The following FILIP1 variants were observed in gnomAD, a reference collection of about 807,000 sequenced individuals.
FILIP1 encodes the protein filamin-A-interacting protein 1.
Under a neutral mutation model 102.1 loss-of-function variants are expected in FILIP1, and 61 were observed. The ratio of observed to expected loss-of-function variants is 0.60; its 90% confidence interval spans 0.49 to 0.74. The LOEUF (loss-of-function observed/expected upper bound fraction) is 0.74. Among genes scored for constraint, FILIP1 ranks in the 30% least tolerant of loss-of-function variants. The pLI is 0.00. For synonymous variants in FILIP1, 491 were observed against 526.9 expected (o/e 0.93, Z 0.93); for missense variants, 1,314 against 1,441.2 (o/e 0.91, Z 1.43).
intron 2 of FILIP1, among the ~76,000 whole-genome samples, chr6:75,376,432 C>T (rs1243191671): frequency 6.6e-6 from 1 of 152,068 alleles, no homozygotes; most frequent in Non-Finnish European, 1.5e-5. Flanking sequence ...TTGGTTACTC[C>T]CCACCCCTTG....
chr6:75,299,205 T>C (rs996473393), intron 6 of FILIP1, among the ~76,000 whole-genome samples: 1 of 152,152 alleles, frequency 6.6e-6, no homozygotes, highest in Non-Finnish European at 1.5e-5. Context: ...ACTGTCTTCA[T>C]TTCATCCCAG....
intron 2 of FILIP1, among the ~76,000 whole-genome samples, chr6:75,364,553 G>C (rs1422532401): frequency 2.0e-5 from 3 of 152,174 alleles, no homozygotes; most frequent in African/African-American, 7.2e-5. Flanking sequence ...TCTGACATAG[G>C]TGAATATATA....
At chr6:75,467,331 T>C (rs1779197563) in intron 1 of FILIP1, among the ~76,000 whole-genome samples, 1 of 152,188 alleles carries the variant, frequency 6.6e-6, no homozygotes, top group Non-Finnish European at 1.5e-5. Flanking sequence ...TCATCATACA[T>C]AACGTAATTT....
chr6:75,434,277 G>A (rs980391476), intron 1 of FILIP1, among the ~76,000 whole-genome samples: 2 of 152,178 alleles, frequency 1.3e-5, no homozygotes, highest in Admixed American at 6.5e-5. Context: ...AATTACCTTA[G>A]GCAGTATGGC....
chr6:75,308,235 G>T lies in FILIP1; in HGVS notation c.*456C>A. The stretch of plus-strand genomic sequence containing the variant: ...CCAGCACATAAAGCAAATTCATGAT[G>T]TGAAAGAGGCAAATGACAATAGTTA... On this transcript the variant is annotated 3_prime_UTR_variant, in exon 6 of 6. Coordinates refer to ENST00000237172, the MANE Select transcript of FILIP1 (RefSeq NM_015687.5). The T allele has an allele frequency of 1.0e-6, 1 of 988,468 alleles. No individual in the cohort carries two copies. The highest frequency in any genetic ancestry group is 1.2e-6 in the Non-Finnish European group (1 of 831,392). The allele number at this position is 988,468 out of a possible 1,614,324, so 61.2% of individuals were successfully genotyped here.
intron 1 of FILIP1, among the ~76,000 whole-genome samples, chr6:75,490,523 G>A (rs946149101): frequency 3.9e-5 from 6 of 151,968 alleles, no homozygotes; most frequent in African/African-American, 1.4e-4. Context: ...CCACAAATAA[G>A]AGCCATGATT....
intron 1 of FILIP1, among the ~76,000 whole-genome samples, chr6:75,449,473 T>A (rs1562615456): frequency 6.6e-6 from 1 of 152,064 alleles, no homozygotes; most frequent in Non-Finnish European, 1.5e-5. Context: ...AAAAACCTAT[T>A]GAAGTTTTAA....
intron 1 of FILIP1, among the ~76,000 whole-genome samples, chr6:75,490,442 A>G (rs1779922037): frequency 6.6e-6 from 1 of 152,142 alleles, no homozygotes; most frequent in Non-Finnish European, 1.5e-5. Context: ...ATATCAAGAG[A>G]AAAACAACAG....
intron 6 of FILIP1, among the ~76,000 whole-genome samples, chr6:75,299,350 C>T (rs916374984): frequency 1.3e-5 from 2 of 152,150 alleles, no homozygotes; most frequent in African/African-American, 4.8e-5. Flanking sequence ...ACAGATACCA[C>T]TCTTCTGACA....
intron 1 of FILIP1, among the ~76,000 whole-genome samples, chr6:75,464,956 C>T (rs1779121273): frequency 6.6e-6 from 1 of 152,188 alleles, no homozygotes; most frequent in East Asian, 1.9e-4. Flanking sequence ...CCACTTTTCA[C>T]TATTACTATT....
At chr6:75,389,411 C>T (rs111598615) in intron 2 of FILIP1, among the ~76,000 whole-genome samples, 4,055 of 152,240 alleles carry the variant, frequency 0.027, 76 homozygotes, top group Non-Finnish European at 0.04. Context: ...AGGAGTCCCT[C>T]TTTTTCTATT....
At chr6:75,353,781 T>C (rs960613512) in intron 3 of FILIP1, 64 bp from the exon 4 acceptor site, 1 of 1,523,366 alleles carries the variant, frequency 6.6e-7, no homozygotes, top group Non-Finnish European at 8.9e-7. Context: ...CTCTAAATAA[T>C]TTGTTGACAT....
rs1025520310 is a variant in FILIP1, at chr6:75,314,657, C to T, written c.1175G>A (p.Gly392Asp). 9.3e-6 allele frequency: 15 copies of T among 1,613,574 alleles called. No individual in the cohort carries two copies. The highest frequency in any genetic ancestry group is 1.3e-5 in the African/African-American group (1 of 74,886). Residue 392 changes from glycine (G) to aspartate (D), a missense_variant, in exon 5 of 6, where the codon GGT becomes GAT. By Grantham distance (94) the Gly-to-Asp change is moderately conservative. Coordinates refer to ENST00000237172, the MANE Select transcript of FILIP1 (RefSeq NM_015687.5). ...AGTTTTAGTGATCTCCTCATCTTTA[C>T]CTTCCATTTCAAGCACACGCTTTCG... ...NLRKRVLEME[G>D]KDEEITKTES...
chr6:75,381,567 C>T (rs1173249095), intron 2 of FILIP1, among the ~76,000 whole-genome samples: 1 of 152,084 alleles, frequency 6.6e-6, no homozygotes, highest in African/African-American at 2.4e-5. Flanking sequence ...TATTTCAGCT[C>T]AAAGGACTAA....
chr6:75,310,071 T>C (rs1215508863), intron 5 of FILIP1, among the ~76,000 whole-genome samples: 1 of 152,244 alleles, frequency 6.6e-6, no homozygotes, highest in African/African-American at 2.4e-5. Flanking sequence ...CCCAGTTTGC[T>C]TCCTTATTTT....
At chr6:75,295,802 T>G in exon 7 of FILIP1, 1 of 648,802 alleles carries the variant, frequency 1.5e-6, no homozygotes, top group Non-Finnish European at 2.2e-6. Flanking sequence ...GTAAAATATT[T>G]CCAGTAGTGA....
chr6:75,343,035 G>A (rs1486856876), intron 4 of FILIP1, among the ~76,000 whole-genome samples: 1 of 152,140 alleles, frequency 6.6e-6, no homozygotes, highest in Non-Finnish European at 1.5e-5. Context: ...TTTAGAGACA[G>A]GACTTTAAGG....
intron 1 of FILIP1, among the ~76,000 whole-genome samples, chr6:75,416,409 C>T (rs1393055800): frequency 6.6e-6 from 1 of 151,988 alleles, no homozygotes; most frequent in Admixed American, 6.6e-5. Context: ...GATGCTAGCA[C>T]CCTGTTTTCT....
chr6:75,474,528 A>G (rs1167069352), intron 1 of FILIP1, among the ~76,000 whole-genome samples: 1 of 152,184 alleles, frequency 6.6e-6, no homozygotes, highest in Non-Finnish European at 1.5e-5. Flanking sequence ...CAGTCAGTGT[A>G]TGCAAACAGA....
Sources: allele counts gnomAD v4.1 joint callset (sites outside exome capture counted in the v4.1 genomes callset), GRCh38; gene constraint gnomAD v4.1.1; transcripts MANE v1.5; gene names NCBI Gene and HGNC (gene_info 2026-07-23, HGNC 2026-07-21).